The following ADGRL3 variants were observed in gnomAD, a reference collection of about 807,000 sequenced individuals.
The protein encoded by ADGRL3 is calcium-independent alpha-latrotoxin receptor 3.
A neutral mutation model predicts 153.5 loss-of-function variants in ADGRL3; 62 were observed. That is an observed-to-expected ratio of 0.40 (90% CI 0.33 to 0.50). The LOEUF (loss-of-function observed/expected upper bound fraction) is 0.50, where lower values mean the gene tolerates loss of function less well. ADGRL3 is among the 20% of genes least tolerant of loss of function. The pLI, the probability that ADGRL3 is intolerant of heterozygous loss-of-function variation, is 0.47. For synonymous variants in ADGRL3, 710 were observed against 672.5 expected (o/e 1.06, Z -0.86); for missense variants, 1,641 against 1,859.4 (o/e 0.88, Z 2.16).
At position 61,237,006 on chromosome 4, in the gene ADGRL3, T is replaced by C. The variant is rs561261497; in HGVS notation, c.-240+35241T>C. ...TTCACGTATAATGTTTACTCATTTATTTTTCAAAAAGAAAAGAAACTTTAT... is the reference window on the plus strand; with the variant it reads ...TTCACGTATAATGTTTACTCATTTACTTTTCAAAAAGAAAAGAAACTTTAT... On this transcript the variant is annotated intron_variant, in intron 1 of 26. Transcript: ENST00000683033. 2.6e-3 allele frequency among the ~76,000 whole-genome samples: 396 copies of C among 152,294 alleles called. 2 individuals are homozygous for C. The highest frequency in any genetic ancestry group is 4.4e-3 in the Non-Finnish European group (297 of 68,020).
intron 2 of ADGRL3, among the ~76,000 whole-genome samples, chr4:61,392,117 C>A (rs2096814259): frequency 6.6e-6 from 1 of 151,160 alleles, no homozygotes; most frequent in African/African-American, 2.4e-5. Context: ...GATCCACCCG[C>A]CTGGGCCTCC....
At chr4:61,660,552 A>G (rs944421381) in intron 5 of ADGRL3, among the ~76,000 whole-genome samples, 2 of 152,076 alleles carry the variant, frequency 1.3e-5, no homozygotes, top group Non-Finnish European at 2.9e-5. Context: ...GGAGATGGAG[A>G]TGGTTTTAAA....
At chr4:62,055,373 A>G (rs567124287) in intron 25 of ADGRL3, among the ~76,000 whole-genome samples, 1 of 151,948 alleles carries the variant, frequency 6.6e-6, no homozygotes, top group South Asian at 2.1e-4. Flanking sequence ...ATTAGCTATT[A>G]AAAGAAGCTG....
intron 8 of ADGRL3, among the ~76,000 whole-genome samples, chr4:61,771,852 G>A (rs915764769): frequency 1.3e-5 from 2 of 152,202 alleles, no homozygotes; most frequent in African/African-American, 4.8e-5. Flanking sequence ...CCACCCTCAT[G>A]ATCCAGTGCC....
chr4:61,294,659 TATC>T (rs1413147198), intron 1 of ADGRL3, among the ~76,000 whole-genome samples: 15 of 152,266 alleles, frequency 9.9e-5, no homozygotes, highest in African/African-American at 3.6e-4. Context: ...AGAGGCATCT[TATC>T]ATTGTTGAAA....
chr4:61,432,598 CTTTCTTTCTTTCTTTCTTTCTTTCT>C (rs2097373918), intron 2 of ADGRL3, among the ~76,000 whole-genome samples: 1 of 40,908 alleles, frequency 2.4e-5, no homozygotes, highest in Non-Finnish European at 5.3e-5. Context: ...TTCTTTCTTT[CTTTCTTTCTTTCTTTCTTTCTTTCT>C]TTCTTTCTTT....
intron 2 of ADGRL3, among the ~76,000 whole-genome samples, chr4:61,399,015 AAT>A (rs1443117905): frequency 2.0e-5 from 3 of 151,794 alleles, no homozygotes; most frequent in Non-Finnish European, 4.4e-5. Context: ...GGGTTACTTG[AAT>A]TTATTCATAT....
intron 13 of ADGRL3, among the ~76,000 whole-genome samples, chr4:61,929,991 C>T (rs1473320238): frequency 6.6e-6 from 1 of 151,880 alleles, no homozygotes; most frequent in Admixed American, 6.6e-5. Context: ...CTGGCTAACA[C>T]GGTGAAACCC....
rs1560460272 is a variant in ADGRL3 at position 61,979,549 on chromosome 4, C to A, written c.2806-14C>A. 6.2e-7 allele frequency: 1 copy of A among 1,612,194 alleles called. No individual in the cohort carries two copies. Among genetic ancestry groups the A allele is most frequent in the South Asian group, 1.1e-5 (1 of 91,010 alleles). On this transcript the variant is annotated splice_polypyrimidine_tract_variant and intron_variant, in intron 17 of 26. Transcript: ENST00000683033. ...GCATAAGCGCAACTTATGGCTTTTT[C>A]ATTGTGTTTCCAGCACAGTGATGCG...
At chr4:61,812,291 C>T (rs2097637639) in intron 8 of ADGRL3, among the ~76,000 whole-genome samples, 1 of 152,130 alleles carries the variant, frequency 6.6e-6, no homozygotes, top group Non-Finnish European at 1.5e-5. Flanking sequence ...CTGTATATTA[C>T]AGTCTCTCCA....
chr4:61,631,703 T>C (rs1166586286), intron 5 of ADGRL3, among the ~76,000 whole-genome samples: 1 of 152,138 alleles, frequency 6.6e-6, no homozygotes, highest in African/African-American at 2.4e-5. Context: ...AAGAAGAAAA[T>C]GAGTTTAATT....
intron 9 of ADGRL3, among the ~76,000 whole-genome samples, chr4:61,872,354 C>T (rs2098450363): frequency 6.6e-6 from 1 of 150,594 alleles, no homozygotes; most frequent in African/African-American, 2.4e-5. Context: ...TTAGTGGCAG[C>T]AGAGAATAAT....
chr4:61,676,731 T>C, intron 5 of ADGRL3, 95 bp from the exon 6 acceptor site: 1 of 867,624 alleles, frequency 1.2e-6, no homozygotes, highest in East Asian at 2.4e-5. Context: ...TATTCAAATC[T>C]GTATAACAGG....
At chr4:61,821,192 A>G (rs1221929225) in intron 9 of ADGRL3, among the ~76,000 whole-genome samples, 1 of 149,980 alleles carries the variant, frequency 6.7e-6, no homozygotes, top group Non-Finnish European at 1.5e-5. Context: ...CAATTACCAA[A>G]AAAAAAAAAA....
intron 1 of ADGRL3, among the ~76,000 whole-genome samples, chr4:61,342,806 G>C (rs760698780): frequency 6.6e-6 from 1 of 152,090 alleles, no homozygotes; most frequent in Non-Finnish European, 1.5e-5. Flanking sequence ...ACCATCTCTA[G>C]TAGCCTCACC....
chr4:61,689,882 T>C (rs1222445289), intron 6 of ADGRL3, among the ~76,000 whole-genome samples: 2 of 152,128 alleles, frequency 1.3e-5, no homozygotes, highest in Non-Finnish European at 2.9e-5. Flanking sequence ...AACTTCATGG[T>C]GTTTCTTATA....
intron 2 of ADGRL3, among the ~76,000 whole-genome samples, chr4:61,409,471 A>G (rs2097057380): frequency 6.8e-6 from 1 of 148,114 alleles, no homozygotes; most frequent in Non-Finnish European, 1.5e-5. Flanking sequence ...TTTATCAAAC[A>G]GGATATATTT....
chr4:61,483,279 T>C (rs953353989), intron 2 of ADGRL3, among the ~76,000 whole-genome samples: 2 of 152,198 alleles, frequency 1.3e-5, no homozygotes, highest in African/African-American at 4.8e-5. Context: ...TTAGGAGTCA[T>C]TCAGTGTAAT....
chr4:61,367,399 C>A (rs1368249479), intron 1 of ADGRL3, among the ~76,000 whole-genome samples: 4 of 151,830 alleles, frequency 2.6e-5, no homozygotes, highest in Non-Finnish European at 5.9e-5. Context: ...CCCCCCACCC[C>A]ACAACAGTCC....
Sources: allele counts gnomAD v4.1 joint callset (sites outside exome capture counted in the v4.1 genomes callset), GRCh38; gene constraint gnomAD v4.1.1; transcripts MANE v1.5; gene names NCBI Gene and HGNC (gene_info 2026-07-23, HGNC 2026-07-21).